The following VTI1A variants were observed in gnomAD, a reference collection of about 807,000 sequenced individuals.
The protein encoded by VTI1A is vesicle transport through interaction with t-SNAREs 1A, also known as vesicle transport through interaction with t-SNAREs homolog 1A.
VTI1A carries 22 observed loss-of-function variants against 34.9 expected under a neutral mutation model. The observed-to-expected ratio is 0.63, with a 90% CI of 0.45 to 0.90. VTI1A has a LOEUF of 0.90. VTI1A is among the 40% of genes least tolerant of loss of function. The pLI, the probability that VTI1A is intolerant of heterozygous loss-of-function variation, is 0.00. For missense variants in VTI1A, 268 were observed against 275.6 expected (o/e 0.97, Z 0.20); for synonymous variants, 87 against 97.3 (o/e 0.89, Z 0.62).
At chr10:112,699,324 T>C (rs12778643) in intron 7 of VTI1A, among the ~76,000 whole-genome samples, 33,410 of 152,148 alleles carry the variant, frequency 0.22, 3,886 homozygotes, top group African/African-American at 0.3. Context: ...TTGGGAAATT[T>C]AAGATCAAGG....
intron 1 of VTI1A, among the ~76,000 whole-genome samples, chr10:112,448,201 G>C (rs762648810): frequency 6.6e-6 from 1 of 152,088 alleles, no homozygotes; most frequent in Non-Finnish European, 1.5e-5. Flanking sequence ...GTTAGTTGCT[G>C]TATTAGCATT....
In VTI1A at chr10:112,447,252, G is replaced by T; in HGVS notation, c.-122G>T. 2 of 1,042,034 alleles carry T rather than the reference G, an allele frequency of 1.9e-6. No individual in the cohort carries two copies. Among genetic ancestry groups the T allele is most frequent in the East Asian group, 2.6e-5 (1 of 37,930 alleles). The allele number at this position is 1,042,034 out of a possible 1,614,324, so 64.5% of individuals were successfully genotyped here. A position where few individuals can be genotyped will look rare whatever the true frequency, so the allele number is the denominator to read the frequency against. ...AGCGGCTGGGTTGAGAGCTGTCCCC[G>T]GTTCTCCGTTCTGCTCTCGGGGGCA... On this transcript the variant is annotated 5_prime_UTR_variant, in exon 1 of 8. Coordinates refer to ENST00000393077, the MANE Select transcript of VTI1A (RefSeq NM_145206.4).
In VTI1A at chr10:112,662,612, G is replaced by A. The variant is rs55695969; in HGVS notation, c.428-5606G>A. Among the ~76,000 whole-genome samples, 521 of 152,102 alleles carry A rather than the reference G, an allele frequency of 3.4e-3. 2 individuals are homozygous for A. Among genetic ancestry groups the A allele is most frequent in the Non-Finnish European group, 5.1e-3 (347 of 67,996 alleles). On this transcript the variant is annotated intron_variant, in intron 5 of 7. Coordinates refer to ENST00000393077, the MANE Select transcript of VTI1A (RefSeq NM_145206.4). ...TATAATAGTTCTAAAATCTTTATGT[G>A]CTAACTGTAGTGACTAGGATCTATT...
At chr10:112,630,911 C>G (rs1304649998) in intron 5 of VTI1A, among the ~76,000 whole-genome samples, 4 of 152,166 alleles carry the variant, frequency 2.6e-5, no homozygotes, top group African/African-American at 9.7e-5. Flanking sequence ...CACCTGAGGT[C>G]AGGAGTTCAA....
chr10:112,740,175 G>A (rs1270037281), intron 7 of VTI1A, among the ~76,000 whole-genome samples: 1 of 152,156 alleles, frequency 6.6e-6, no homozygotes, highest in East Asian at 1.9e-4. Context: ...TGTGTTTCCT[G>A]CACTCTCTTC....
chr10:112,740,281 A>C (rs897259797), intron 7 of VTI1A, among the ~76,000 whole-genome samples: 1 of 151,860 alleles, frequency 6.6e-6, no homozygotes, highest in Non-Finnish European at 1.5e-5. Context: ...CCCTGTGAAC[A>C]CTTTCTTTCT....
intron 7 of VTI1A, among the ~76,000 whole-genome samples, chr10:112,681,219 C>T (rs953770662): frequency 6.6e-6 from 1 of 151,904 alleles, no homozygotes; most frequent in Non-Finnish European, 1.5e-5. Flanking sequence ...GTAGCTGCGA[C>T]TACAGGTCCA....
chr10:112,522,640 G>A (rs867792498), intron 3 of VTI1A, among the ~76,000 whole-genome samples: 5 of 152,022 alleles, frequency 3.3e-5, no homozygotes, highest in African/African-American at 7.2e-5. Flanking sequence ...CGTAGCCATC[G>A]AATATTTGCA....
At chr10:112,638,698 T>C (rs1311402789) in intron 5 of VTI1A, among the ~76,000 whole-genome samples, 1 of 151,666 alleles carries the variant, frequency 6.6e-6, no homozygotes, top group Non-Finnish European at 1.5e-5. Context: ...ACAAATGTAT[T>C]TCACCCAAAT....
chr10:112,469,849 G>C (rs1281559751), intron 3 of VTI1A, among the ~76,000 whole-genome samples: 1 of 152,120 alleles, frequency 6.6e-6, no homozygotes, highest in African/African-American at 2.4e-5. Context: ...CCTTCTCTTT[G>C]TGGCTGCTTC....
At chr10:112,614,608 A>G (rs1458995576) in intron 5 of VTI1A, among the ~76,000 whole-genome samples, 1 of 152,246 alleles carries the variant, frequency 6.6e-6, no homozygotes, top group African/African-American at 2.4e-5. Flanking sequence ...TACATTATCC[A>G]AGAGAGCTCC....
intron 7 of VTI1A, among the ~76,000 whole-genome samples, chr10:112,813,583 CA>C (rs1853397168): frequency 6.6e-6 from 1 of 151,986 alleles, no homozygotes; most frequent in Non-Finnish European, 1.5e-5. Context: ...GGGAAAAAAT[CA>C]ATTTGGGTTT....
At chr10:112,505,391 T>C (rs961674416) in intron 3 of VTI1A, among the ~76,000 whole-genome samples, 5 of 152,184 alleles carry the variant, frequency 3.3e-5, no homozygotes, top group African/African-American at 1.2e-4. Flanking sequence ...GTTTATTCTC[T>C]TGAATTTTTG....
At chr10:112,784,996 T>C (rs530877954) in intron 7 of VTI1A, among the ~76,000 whole-genome samples, 35 of 152,344 alleles carry the variant, frequency 2.3e-4, no homozygotes, top group Non-Finnish European at 4.6e-4. Context: ...TTTCACATCA[T>C]GGCAAAACTC....
chr10:112,684,911 T>A (rs1336478914), intron 7 of VTI1A, among the ~76,000 whole-genome samples: 2 of 152,196 alleles, frequency 1.3e-5, no homozygotes, highest in Non-Finnish European at 2.9e-5. Context: ...TGTGTATGTA[T>A]CTGTGTACAT....
intron 5 of VTI1A, among the ~76,000 whole-genome samples, chr10:112,625,467 C>T (rs879401723): frequency 4.6e-5 from 7 of 151,880 alleles, no homozygotes; most frequent in Non-Finnish European, 8.8e-5. Context: ...GGTGAAACCC[C>T]ATCTCTACTA....
chr10:112,597,281 G>A (rs947717685), intron 5 of VTI1A, among the ~76,000 whole-genome samples: 2 of 152,046 alleles, frequency 1.3e-5, no homozygotes, highest in East Asian at 1.9e-4. Flanking sequence ...GCAATGATGC[G>A]GTCTCGGCTC....
At chr10:112,741,789 T>C (rs1564907935) in intron 7 of VTI1A, among the ~76,000 whole-genome samples, 2 of 152,184 alleles carry the variant, frequency 1.3e-5, no homozygotes, top group Non-Finnish European at 2.9e-5. Flanking sequence ...TTTAATAGCT[T>C]ATATCTTTTT....
chr10:112,450,072 T>G (rs1185613687), intron 1 of VTI1A: 1 of 151,942 alleles, frequency 6.6e-6, no homozygotes, highest in Non-Finnish European at 1.5e-5. Context: ...TTTTTTTTTT[T>G]GTAGAGATGG....
Sources: gnomAD v4.1 joint callset for allele counts (sites outside exome capture counted in the v4.1 genomes callset) on GRCh38, gnomAD v4.1.1 for gene constraint, MANE v1.5 for transcripts, NCBI Gene and HGNC (gene_info 2026-07-23, HGNC 2026-07-21) for gene names.